Variants in FRMD5 observed in about 807,000 individuals in gnomAD.
The protein encoded by FRMD5 is FERM domain-containing protein 5.
In FRMD5, 20 loss-of-function variants were observed where a neutral mutation model predicts 69.0. The observed-to-expected ratio is 0.29, with a 90% CI of 0.20 to 0.42. FRMD5 has a LOEUF of 0.42. FRMD5 is among the 10% of genes least tolerant of loss of function. The pLI is 1.00. For synonymous variants in FRMD5, 271 were observed against 260.1 expected, an observed-to-expected ratio of 1.04 and a Z score of -0.40; for missense variants, 595 against 708.6, an observed-to-expected ratio of 0.84 and a Z score of 1.82.
At chr15:44,029,830 C>T (rs1891601387) in intron 1 of FRMD5, among the ~76,000 whole-genome samples, 1 of 152,206 alleles carries the variant, frequency 6.6e-6, no homozygotes. Context: ...AGTAACGTCT[C>T]AGGTGATTCT....
At chr15:43,965,193 G>A (rs960625180) in intron 1 of FRMD5, among the ~76,000 whole-genome samples, 5 of 152,072 alleles carry the variant, frequency 3.3e-5, no homozygotes, top group South Asian at 4.2e-4. Flanking sequence ...TTGAAGGAAC[G>A]GGCAGAGACT....
chr15:44,090,362 C>A lies in FRMD5; in HGVS notation c.102+104591G>T, dbSNP rs149114026. ...TTTCAGAATATACAAGATTTAGCCACAATAGCTAGCTCAATATTTTAAAAT... is the reference window on the plus strand; with the variant it reads ...TTTCAGAATATACAAGATTTAGCCAAAATAGCTAGCTCAATATTTTAAAAT... On this transcript the variant is annotated intron_variant, in intron 1 of 13. Transcript: ENST00000417257. Among the ~76,000 whole-genome samples, 731 of 151,938 alleles carry A rather than the reference C, an allele frequency of 4.8e-3. 12 individuals are homozygous for A. Among genetic ancestry groups the A allele is most frequent in the African/African-American group, 0.017 (700 of 41,442 alleles).
At chr15:43,919,282 T>C (rs1233459563) in intron 4 of FRMD5, 177 bp downstream of exon 4, 1 of 764,580 alleles carries the variant, frequency 1.3e-6, no homozygotes, top group Non-Finnish European at 2.4e-6. Flanking sequence ...GCGACTGCAC[T>C]GAGGGGTACG....
chr15:43,995,350 G>A lies in FRMD5; in HGVS notation c.103-71041C>T, dbSNP rs377734588. On this transcript the variant is annotated intron_variant, in intron 1 of 13. Coordinates refer to ENST00000417257, the MANE Select transcript of FRMD5 (RefSeq NM_032892.5). ...GTGATCCATGATTGGTTAAATCCATGGATGAAGACCCTGCAGCTACAAAGG... is the reference window on the plus strand; with the variant it reads ...GTGATCCATGATTGGTTAAATCCATAGATGAAGACCCTGCAGCTACAAAGG... Among the ~76,000 whole-genome samples the A allele has an allele frequency of 1.7e-3, 266 of 152,298 alleles. 8 individuals are homozygous for A. In the South Asian group the frequency reaches 0.055, roughly 31 times the overall value.
chr15:44,065,422 T>C (rs762389530), intron 1 of FRMD5, among the ~76,000 whole-genome samples: 8 of 152,274 alleles, frequency 5.3e-5, no homozygotes, highest in Non-Finnish European at 1.0e-4. Flanking sequence ...ATTTTCCTAT[T>C]AAGACCTGAA....
At chr15:44,084,946 G>T (rs1894137484) in intron 1 of FRMD5, among the ~76,000 whole-genome samples, 1 of 152,002 alleles carries the variant, frequency 6.6e-6, no homozygotes, top group African/African-American at 2.4e-5. Flanking sequence ...GAAGCAATCT[G>T]GGGGTGTGGT....
intron 1 of FRMD5, among the ~76,000 whole-genome samples, chr15:44,122,148 T>C (rs2076961686): frequency 6.6e-6 from 1 of 152,088 alleles, no homozygotes; most frequent in Non-Finnish European, 1.5e-5. Flanking sequence ...AACCTTGAAA[T>C]ACTCAGACAT....
intron 1 of FRMD5, among the ~76,000 whole-genome samples, chr15:43,927,659 C>T (rs1236070025): frequency 1.3e-5 from 2 of 151,982 alleles, no homozygotes; most frequent in Non-Finnish European, 2.9e-5. Flanking sequence ...GAGACAGTAG[C>T]ATATTTTCAT....
chr15:43,958,816 A>G (rs1355501302), intron 1 of FRMD5, among the ~76,000 whole-genome samples: 1 of 152,076 alleles, frequency 6.6e-6, no homozygotes, highest in Non-Finnish European at 1.5e-5. Context: ...TAGTACTCCT[A>G]TTGCTTGAGC....
At chr15:44,099,839 T>C (rs1595461933) in intron 1 of FRMD5, among the ~76,000 whole-genome samples, 2 of 152,192 alleles carry the variant, frequency 1.3e-5, no homozygotes, top group Admixed American at 1.3e-4. Context: ...AATTATAGAG[T>C]TGCAAAGAAT....
intron 1 of FRMD5, among the ~76,000 whole-genome samples, chr15:44,174,296 C>T (rs939354561): frequency 2.6e-5 from 4 of 152,094 alleles, no homozygotes; most frequent in African/African-American, 9.7e-5. Context: ...AAAACTTACT[C>T]TAACCATTAT....
intron 1 of FRMD5, among the ~76,000 whole-genome samples, chr15:44,170,500 G>A (rs942679110): frequency 1.3e-5 from 2 of 151,506 alleles, no homozygotes; most frequent in Admixed American, 1.3e-4. Flanking sequence ...TCCAGCCTGG[G>A]CAACAGAGTG....
rs561751243 is a variant in FRMD5 at position 43,915,424 on chromosome 15, G to A, written c.329+4035C>T. On this transcript the variant is annotated intron_variant, in intron 4 of 13. Coordinates refer to ENST00000417257, the MANE Select transcript of FRMD5 (RefSeq NM_032892.5). ...GAAGGCACAGTGGCCTGGTGACTCCGTTCGTTCATGTATGTCTTGATTCAT... is the reference window on the plus strand; with the variant it reads ...GAAGGCACAGTGGCCTGGTGACTCCATTCGTTCATGTATGTCTTGATTCAT... 1.4e-3 allele frequency among the ~76,000 whole-genome samples: 209 copies of A among 152,310 alleles called. 3 individuals carry two copies. Among genetic ancestry groups the A allele is most frequent in the African/African-American group, 4.9e-3 (204 of 41,576 alleles).
intron 1 of FRMD5, among the ~76,000 whole-genome samples, chr15:44,062,467 G>A (rs1376882912): frequency 6.6e-6 from 1 of 152,126 alleles, no homozygotes; most frequent in Non-Finnish European, 1.5e-5. Flanking sequence ...AAGGCAGGCG[G>A]ATCACTTGAG....
rs772948960 is a variant in FRMD5 at position 43,874,199 on chromosome 15, G to C, written c.1399C>G (p.Pro467Ala). 6.2e-7 allele frequency: 1 copy of C among 1,614,204 alleles called. No homozygotes were observed. The part of the protein sequence containing the change: ...EEEKESEAST[P>A]TATEVEALGG... ...AGGGCCTCCACCTCTGTAGCAGTTG[G>C]GGTGCTGGCTTCAGATTCCTTCTCC... is the stretch of plus-strand genomic sequence containing the variant. Residue 467 changes from proline to alanine, a missense_variant, in exon 14 of 14, where the codon CCA (proline) becomes GCA (alanine). By Grantham distance (27) the Pro-to-Ala change is conservative. This residue lies in a region of FRMD5 where 245 missense variants were observed against 227.1 expected (regional missense o/e 1.08). Transcript: ENST00000417257.
chr15:44,179,164 G>C (rs1230307221), intron 1 of FRMD5, among the ~76,000 whole-genome samples: 2 of 152,066 alleles, frequency 1.3e-5, no homozygotes, highest in Admixed American at 1.3e-4. Flanking sequence ...AGGAGAAAAA[G>C]AGAAGACTAC....
At chr15:44,194,089 G>C (rs1331887217) in intron 1 of FRMD5, 1 of 152,258 alleles carries the variant, frequency 6.6e-6, no homozygotes, top group African/African-American at 2.4e-5. Context: ...TAAGGGAGGA[G>C]AGAGGGCTGT....
At chr15:44,116,644 G>A (rs1380572442) in intron 1 of FRMD5, among the ~76,000 whole-genome samples, 1 of 152,172 alleles carries the variant, frequency 6.6e-6, no homozygotes, top group Non-Finnish European at 1.5e-5. Context: ...AGGGAGAAGG[G>A]TCAGCACTAT....
chr15:44,042,283 G>C (rs1360742918), intron 1 of FRMD5, among the ~76,000 whole-genome samples: 2 of 150,304 alleles, frequency 1.3e-5, no homozygotes, highest in Non-Finnish European at 3.0e-5. Flanking sequence ...AATTGAGGCA[G>C]TAATAGCCTA....
Sources: gnomAD v4.1 joint callset for allele counts (sites outside exome capture counted in the v4.1 genomes callset) on GRCh38, gnomAD v4.1.1 for gene constraint, gnomAD v4.1.1 regional missense constraint, MANE v1.5 for transcripts, NCBI Gene and HGNC (gene_info 2026-07-23, HGNC 2026-07-21) for gene names.